The following SLC39A11 variants were observed in gnomAD, a reference collection of about 807,000 sequenced individuals.
The protein encoded by SLC39A11 is zinc transporter ZIP11.
A neutral mutation model predicts 36.1 loss-of-function variants in SLC39A11; 33 were observed. The observed-to-expected ratio is 0.91, with a 90% CI of 0.69 to 1.22. SLC39A11 has a LOEUF of 1.22. Among genes scored for constraint, SLC39A11 ranks in the 50% most tolerant of loss-of-function variants. SLC39A11 has a pLI of 0.00. For synonymous variants in SLC39A11, 166 were observed against 170.3 expected (o/e 0.97, Z 0.20); for missense variants, 432 against 430.3 (o/e 1.00, Z -0.03).
intron 7 of SLC39A11, among the ~76,000 whole-genome samples, chr17:72,675,784 A>G (rs2071232291): frequency 6.6e-6 from 1 of 152,186 alleles, no homozygotes; most frequent in African/African-American, 2.4e-5. Context: ...CCTGGGTTCA[A>G]GTGATTCTCC....
At chr17:72,762,669 C>T (rs1264474707) in intron 6 of SLC39A11, among the ~76,000 whole-genome samples, 3 of 152,170 alleles carry the variant, frequency 2.0e-5, no homozygotes, top group East Asian at 1.9e-4. Flanking sequence ...GCACAAGATC[C>T]AAGAACCCTC....
intron 5 of SLC39A11, among the ~76,000 whole-genome samples, chr17:72,853,383 C>T (rs1385726820): frequency 6.6e-6 from 1 of 151,798 alleles, no homozygotes; most frequent in African/African-American, 2.4e-5. Context: ...ACACAAATTC[C>T]CTCAAATCTA....
At chr17:72,781,266 T>C (rs1240588611) in intron 6 of SLC39A11, among the ~76,000 whole-genome samples, 4 of 152,166 alleles carry the variant, frequency 2.6e-5, no homozygotes, top group African/African-American at 9.7e-5. Context: ...TTCTGCTCCA[T>C]TCCTTGCACG....
intron 3 of SLC39A11, among the ~76,000 whole-genome samples, chr17:73,060,512 A>C (rs895770943): frequency 6.6e-6 from 1 of 152,138 alleles, no homozygotes; most frequent in Non-Finnish European, 1.5e-5. Flanking sequence ...TCCCATTTTG[A>C]TGAAATGTTT....
intron 5 of SLC39A11, among the ~76,000 whole-genome samples, chr17:72,891,363 C>G (rs1219530970): frequency 6.6e-6 from 1 of 152,160 alleles, no homozygotes; most frequent in Non-Finnish European, 1.5e-5. Context: ...GATTTGGACT[C>G]TTGCTCTCCT....
At chr17:72,704,257 T>C (rs952587494) in intron 7 of SLC39A11, among the ~76,000 whole-genome samples, 6 of 152,342 alleles carry the variant, frequency 3.9e-5, no homozygotes, top group African/African-American at 1.4e-4. Flanking sequence ...TTATCATCCC[T>C]CACTGACAGA....
chr17:72,776,610 G>GAA (rs34044701), intron 6 of SLC39A11, among the ~76,000 whole-genome samples: 55,830 of 119,454 alleles, frequency 0.47, 15,111 homozygotes, highest in Non-Finnish European at 0.62. Context: ...ACTTTGCATG[G>GAA]AAAAAAAAAA....
intron 7 of SLC39A11, among the ~76,000 whole-genome samples, chr17:72,669,935 C>T (rs941015175): frequency 5.5e-5 from 8 of 146,064 alleles, no homozygotes; most frequent in Non-Finnish European, 7.5e-5. Flanking sequence ...CACATATATA[C>T]GTATAGATGT....
chr17:72,693,206 TC>T (rs2072112356), intron 7 of SLC39A11, among the ~76,000 whole-genome samples: 1 of 151,014 alleles, frequency 6.6e-6, no homozygotes, highest in African/African-American at 2.4e-5. Flanking sequence ...TTGGCCCCCC[TC>T]CCCTGGGCCC....
At chr17:72,919,676 AAAAAAAAAAG>A (rs886164980) in intron 5 of SLC39A11, among the ~76,000 whole-genome samples, 1 of 143,808 alleles carries the variant, frequency 7.0e-6, no homozygotes, top group African/African-American at 2.7e-5. Flanking sequence ...CGTCAAAAAA[AAAAAAAAAAG>A]AAAAAAAGAA....
At chr17:72,672,611 G>GT (rs1020821697) in intron 7 of SLC39A11, among the ~76,000 whole-genome samples, 17 of 152,090 alleles carry the variant, frequency 1.1e-4, no homozygotes, top group Non-Finnish European at 1.9e-4. Context: ...TTTTTAATTT[G>GT]TTTTTTGGGA....
chr17:72,961,980 A>G (rs1412536727), intron 4 of SLC39A11, among the ~76,000 whole-genome samples: 4 of 152,234 alleles, frequency 2.6e-5, no homozygotes, highest in African/African-American at 7.2e-5. Context: ...ATGTTTCTTT[A>G]ACGGGGCTTT....
At chr17:72,917,016 C>T (rs1373194605) in intron 5 of SLC39A11, among the ~76,000 whole-genome samples, 3 of 152,202 alleles carry the variant, frequency 2.0e-5, no homozygotes, top group Non-Finnish European at 1.5e-5. Context: ...CCAGTACAAA[C>T]GTCATGATTT....
chr17:73,041,108 T>C (rs2059100502), intron 3 of SLC39A11, among the ~76,000 whole-genome samples: 1 of 152,112 alleles, frequency 6.6e-6, no homozygotes, highest in Non-Finnish European at 1.5e-5. Context: ...ACTACACTAA[T>C]GTGAAATTCC....
chr17:72,931,107 G>A (rs1381161840), intron 5 of SLC39A11, among the ~76,000 whole-genome samples: 1 of 152,102 alleles, frequency 6.6e-6, no homozygotes, highest in Admixed American at 6.6e-5. Context: ...TCCAGCCTTG[G>A]ATAGATGGAA....
chr17:72,886,326 C>T (rs570672221), intron 5 of SLC39A11, among the ~76,000 whole-genome samples: 204 of 152,316 alleles, frequency 1.3e-3, no homozygotes, highest in African/African-American at 4.5e-3. Flanking sequence ...TTGACGTTAC[C>T]ACTTGAGTAT....
intron 6 of SLC39A11, among the ~76,000 whole-genome samples, chr17:72,742,399 G>A (rs1281930788): frequency 6.6e-6 from 1 of 152,134 alleles, no homozygotes; most frequent in African/African-American, 2.4e-5. Flanking sequence ...CATCTGACCT[G>A]CTGCCACCTG....
intron 7 of SLC39A11, among the ~76,000 whole-genome samples, chr17:72,685,897 G>A (rs543156288): frequency 9.9e-5 from 15 of 152,028 alleles, no homozygotes; most frequent in African/African-American, 1.9e-4. Flanking sequence ...TTAGCCAGGC[G>A]TGGTGGTATA....
chr17:72,944,218 C>G (rs967350168), intron 5 of SLC39A11, among the ~76,000 whole-genome samples: 7 of 152,182 alleles, frequency 4.6e-5, no homozygotes, highest in Admixed American at 4.6e-4. Context: ...TCTCAAAAGC[C>G]AGTGCCACGG....
Sources: allele counts gnomAD v4.1 joint callset (sites outside exome capture counted in the v4.1 genomes callset), GRCh38; gene constraint gnomAD v4.1.1; transcripts MANE v1.5; gene names NCBI Gene and HGNC (gene_info 2026-07-23, HGNC 2026-07-21).